STK35: variants seen among roughly 807,000 people sequenced by gnomAD.
STK35 encodes the protein serine/threonine kinase 35, also known as serine/threonine-protein kinase 35.
A neutral mutation model predicts 37.3 loss-of-function variants in STK35; 17 were observed. The observed-to-expected ratio is 0.46, with a 90% CI of 0.31 to 0.68. The LOEUF is 0.68. Ranked by LOEUF, STK35 falls within the 30% of genes least tolerant of loss-of-function variation. The probability of loss-of-function intolerance (pLI) is 0.05; values close to 1 mark genes in which losing one functional copy is unlikely to be tolerated. For synonymous variants in STK35, 385 were observed against 319.1 expected (o/e 1.21, Z -2.20); for missense variants, 595 against 746.7 (o/e 0.80, Z 2.37).
chr20:2,109,830 C>T (rs908067972), intron 2 of STK35, among the ~76,000 whole-genome samples: 2 of 152,186 alleles, frequency 1.3e-5, no homozygotes, highest in Non-Finnish European at 2.9e-5. Context: ...AAGAAATTTG[C>T]CCAGGATCAT....
chr20:2,110,632 G>A (rs924901993), intron 2 of STK35, among the ~76,000 whole-genome samples: 5 of 152,124 alleles, frequency 3.3e-5, no homozygotes, highest in African/African-American at 1.2e-4. Context: ...CCTCAAGTGG[G>A]ATTTTTCTTT....
chr20:2,107,922 C>T (rs1298753219), intron 2 of STK35, among the ~76,000 whole-genome samples: 2 of 152,112 alleles, frequency 1.3e-5, no homozygotes, highest in Non-Finnish European at 2.9e-5. Context: ...GGTTTTAATC[C>T]CAGTTTCACC....
At chr20:2,127,343 G>A (rs573927499) in intron 3 of STK35, among the ~76,000 whole-genome samples, 13 of 152,038 alleles carry the variant, frequency 8.6e-5, no homozygotes, top group African/African-American at 2.9e-4. Flanking sequence ...AAGGCATGGA[G>A]TTGGGAGTAT....
chr20:2,104,730 A>AGTGG (rs1263009025), intron 2 of STK35, among the ~76,000 whole-genome samples: 3 of 152,180 alleles, frequency 2.0e-5, no homozygotes, highest in African/African-American at 7.2e-5. Context: ...GTTGTTTGAC[A>AGTGG]GTGGAGTTGG....
intron 2 of STK35, among the ~76,000 whole-genome samples, 176 bp downstream of exon 2, chr20:2,103,541 T>C (rs2211325): frequency 0.51 from 77,916 of 152,038 alleles, 20,840 homozygotes; most frequent in East Asian, 0.94. Context: ...TCTCAGGTCC[T>C]AAGATCAGTC....
At chr20:2,141,943 C>T (rs1986178961) in intron 3 of STK35, among the ~76,000 whole-genome samples, 1 of 152,148 alleles carries the variant, frequency 6.6e-6, no homozygotes, top group Non-Finnish European at 1.5e-5. Context: ...AAGTTCTTTT[C>T]ATATTTAGGT....
In STK35 at chr20:2,108,378, C is replaced by T. The variant is rs578215947; in HGVS notation, c.892+5013C>T. Among the ~76,000 whole-genome samples, 20 of 152,170 alleles carry T rather than the reference C, an allele frequency of 1.3e-4. 1 individual carries two copies. In the South Asian group the frequency reaches 2.9e-3, roughly 22 times the overall value. On this transcript the variant is annotated intron_variant, in intron 2 of 3. Transcript: ENST00000381482. ...ACAAAAAATCAGCTGGGCGTGGTGG[C>T]GGGCGCCTGTAATCCCAGCTACTCA...
At chr20:2,119,300 T>A (rs1985775744) in intron 3 of STK35, among the ~76,000 whole-genome samples, 1 of 152,158 alleles carries the variant, frequency 6.6e-6, no homozygotes, top group African/African-American at 2.4e-5. Flanking sequence ...GCATCCCAGA[T>A]AGACCAACCT....
At position 2,125,329 on chromosome 20, in the gene STK35, G is replaced by A. The variant is rs111402250; in HGVS notation, c.*37+7914G>A. On this transcript the variant is annotated intron_variant, in intron 3 of 3. Coordinates refer to ENST00000381482, the MANE Select transcript of STK35 (RefSeq NM_080836.4). ...GGCAGAGACCCTGCCTTTTTATTCC[G>A]AGCCCTGAATTAAGCACTTTACATG... Among the ~76,000 whole-genome samples the A allele has an allele frequency of 4.1e-3, 621 of 152,220 alleles. 5 individuals carry two copies. The highest frequency in any genetic ancestry group is 5.7e-3 in the Non-Finnish European group (385 of 68,020).
At chr20:2,137,940 C>T (rs984427962) in intron 3 of STK35, among the ~76,000 whole-genome samples, 1 of 152,186 alleles carries the variant, frequency 6.6e-6, no homozygotes, top group African/African-American at 2.4e-5. Flanking sequence ...TGCCTCTGTG[C>T]ACTTGTGAGG....
intron 3 of STK35, among the ~76,000 whole-genome samples, chr20:2,120,843 G>T (rs2096124): frequency 6.6e-6 from 1 of 151,736 alleles, no homozygotes; most frequent in Non-Finnish European, 1.5e-5. Flanking sequence ...TGCTGGGTGC[G>T]GTGAGAGGGT....
Position 2,120,375 on chromosome 20 carries a change from T to C in STK35, c.*37+2960T>C, listed in dbSNP as rs191579307. 9.8e-5 allele frequency among the ~76,000 whole-genome samples: 15 copies of C among 152,290 alleles called. No individual in the cohort carries two copies. The East Asian group carries it at 2.9e-3, about 29-fold the overall frequency. Reference sequence around the variant, plus strand: ...GATTAGGAATATGGTTACTGGTGAGTGTCCCAGGCTGTTTTGTTAATTCAT... The same window carrying C: ...GATTAGGAATATGGTTACTGGTGAGCGTCCCAGGCTGTTTTGTTAATTCAT... On this transcript the variant is annotated intron_variant, in intron 3 of 3. Coordinates refer to ENST00000381482, the MANE Select transcript of STK35 (RefSeq NM_080836.4).
At chr20:2,105,720 C>T (rs1270199165) in intron 2 of STK35, among the ~76,000 whole-genome samples, 1 of 152,232 alleles carries the variant, frequency 6.6e-6, no homozygotes, top group Non-Finnish European at 1.5e-5. Flanking sequence ...TATAAGTTCA[C>T]ACCATGTTCT....
At chr20:2,115,979 T>C (rs1049097245) in intron 2 of STK35, among the ~76,000 whole-genome samples, 1 of 152,130 alleles carries the variant, frequency 6.6e-6, no homozygotes, top group Non-Finnish European at 1.5e-5. Context: ...CTTCACTGTT[T>C]GTAGTAGTTG....
At chr20:2,103,406 A>AC (rs778163739) in intron 2 of STK35, 41 bp downstream of exon 2, 96 of 1,572,758 alleles carry the variant, frequency 6.1e-5, no homozygotes, top group African/African-American at 8.1e-5. Context: ...CAGGGCCTGG[A>AC]CCCCCTGCTC....
intron 3 of STK35, among the ~76,000 whole-genome samples, chr20:2,135,850 A>G (rs1343614174): frequency 6.6e-6 from 1 of 152,172 alleles, no homozygotes; most frequent in African/African-American, 2.4e-5. Context: ...TAATAAGACT[A>G]ATTAGCTGGG....
chr20:2,130,032 C>T (rs1241125142), intron 3 of STK35, among the ~76,000 whole-genome samples: 3 of 152,090 alleles, frequency 2.0e-5, no homozygotes, highest in Admixed American at 6.5e-5. Flanking sequence ...GGCCTGAAAT[C>T]GGAAGGTAGG....
chr20:2,108,703 T>G (rs184013784), intron 2 of STK35, among the ~76,000 whole-genome samples: 1 of 152,268 alleles, frequency 6.6e-6, no homozygotes, highest in African/African-American at 2.4e-5. Flanking sequence ...ACTTTTTATG[T>G]GCATTGGGGA....
chr20:2,140,935 C>CCA (rs1159424854), intron 3 of STK35, among the ~76,000 whole-genome samples: 7 of 152,208 alleles, frequency 4.6e-5, no homozygotes, highest in Non-Finnish European at 1.0e-4. Flanking sequence ...TTTTCAGCTG[C>CCA]CACATGCTAC....
Sources: allele counts gnomAD v4.1 joint callset (sites outside exome capture counted in the v4.1 genomes callset), GRCh38; gene constraint gnomAD v4.1.1; transcripts MANE v1.5; gene names NCBI Gene and HGNC (gene_info 2026-07-23, HGNC 2026-07-21).